EFR3A: variants seen among roughly 807,000 people sequenced by gnomAD.
The protein encoded by EFR3A is EFR3 homolog A.
A neutral mutation model predicts 104.4 loss-of-function variants in EFR3A; 76 were observed. That is an observed-to-expected ratio of 0.73 (90% CI 0.60 to 0.88). The LOEUF is 0.88. EFR3A is among the 40% of genes least tolerant of loss of function. EFR3A has a pLI of 0.00. For missense variants in EFR3A, 985 were observed against 1,012.5 expected, an observed-to-expected ratio of 0.97 and a Z score of 0.37; for synonymous variants, 330 against 330.0, an observed-to-expected ratio of 1.00 and a Z score of 0.00.
intron 8 of EFR3A, among the ~76,000 whole-genome samples, chr8:131,963,129 A>T (rs1220100140): frequency 6.6e-6 from 1 of 152,238 alleles, no homozygotes; most frequent in Non-Finnish European, 1.5e-5. Flanking sequence ...AAAGATCTAA[A>T]AATTGACACC....
At chr8:131,943,190 A>G (rs1486881227) in intron 2 of EFR3A, among the ~76,000 whole-genome samples, 1 of 152,028 alleles carries the variant, frequency 6.6e-6, no homozygotes, top group African/African-American at 2.4e-5. Flanking sequence ...ATATTCCAAA[A>G]TCTGAAAAAA....
chr8:131,918,600 A>G (rs1439332321), intron 1 of EFR3A, among the ~76,000 whole-genome samples: 1 of 152,178 alleles, frequency 6.6e-6, no homozygotes, highest in Admixed American at 6.5e-5. Flanking sequence ...TTAGACTGCT[A>G]CTTGTCTTTT....
At chr8:131,968,479 T>A in intron 9 of EFR3A, 49 bp downstream of exon 9, 1 of 1,588,028 alleles carries the variant, frequency 6.3e-7, no homozygotes, top group Non-Finnish European at 8.6e-7. Flanking sequence ...TGGTTCAAAG[T>A]GTCCTTTCAG....
At chr8:132,002,319 A>G (rs1821823147) in intron 20 of EFR3A, among the ~76,000 whole-genome samples, 1 of 152,186 alleles carries the variant, frequency 6.6e-6, no homozygotes, top group Non-Finnish European at 1.5e-5. Context: ...GGAAGCTCCC[A>G]TTCCCTTGCC....
intron 22 of EFR3A, among the ~76,000 whole-genome samples, chr8:132,004,296 G>A (rs1821929864): frequency 6.6e-6 from 1 of 152,194 alleles, no homozygotes; most frequent in African/African-American, 2.4e-5. Flanking sequence ...TGGCCTATTA[G>A]GAACCAGGCT....
intron 1 of EFR3A, among the ~76,000 whole-genome samples, chr8:131,921,519 G>A (rs1355246997): frequency 6.6e-6 from 1 of 152,104 alleles, no homozygotes; most frequent in Admixed American, 6.6e-5. Flanking sequence ...AGGTATATCA[G>A]ACATGAGAAT....
Sources: gnomAD v4.1 joint callset for allele counts (sites outside exome capture counted in the v4.1 genomes callset) on GRCh38, gnomAD v4.1.1 for gene constraint, MANE v1.5 for transcripts, NCBI Gene and HGNC (gene_info 2026-07-23, HGNC 2026-07-21) for gene names.